The following GABRB1 variants were observed in gnomAD, a reference collection of about 807,000 sequenced individuals.
The protein encoded by GABRB1 is gamma-aminobutyric acid receptor subunit beta-1.
A neutral mutation model predicts 51.6 loss-of-function variants in GABRB1; 17 were observed. That is an observed-to-expected ratio of 0.33 (90% CI 0.23 to 0.49). The LOEUF (loss-of-function observed/expected upper bound fraction) is 0.49. Ranked by LOEUF, GABRB1 falls within the 20% of genes least tolerant of loss-of-function variation. GABRB1 has a pLI of 0.99. For missense variants in GABRB1, 410 were observed against 600.6 expected (o/e 0.68, Z 3.32); for synonymous variants, 247 against 218.9 (o/e 1.13, Z -1.14).
chr4:47,157,310 T>A (rs1325021114), intron 3 of GABRB1, among the ~76,000 whole-genome samples: 1 of 152,100 alleles, frequency 6.6e-6, no homozygotes, highest in Non-Finnish European at 1.5e-5. Context: ...AAATGTCCCA[T>A]CTTCTCTGGA....
intron 4 of GABRB1, among the ~76,000 whole-genome samples, chr4:47,191,425 C>T (rs1347787595): frequency 1.3e-5 from 2 of 152,094 alleles, no homozygotes; most frequent in South Asian, 2.1e-4. Context: ...TCCAAAACTC[C>T]ATAAATGAAC....
Position 47,403,339 on chromosome 4 carries a change from T to C in GABRB1, c.566T>C (p.Ile189Thr), listed in dbSNP as rs779037879. The stretch of plus-strand genomic sequence containing the variant: ...TCAGATGGCTATACCACTGATGACA[T>C]TGAATTTTACTGGAATGGAGGAGAA... ...IESYGYTTDD[I>T]EFYWNGGEGA... The change falls in exon 6 of 9, where the codon ATT becomes ACT. Residue 189 changes from isoleucine to threonine, a missense_variant. Physicochemically the swap from Ile to Thr is moderately conservative, Grantham distance 89. Around this residue, in one of 5 missense-constraint regions of GABRB1, gnomAD observed 36 missense variants for 39.7 expected, o/e 0.91. Transcript: ENST00000295454. 15 of 1,613,886 alleles carry C rather than the reference T, an allele frequency of 9.3e-6. No individual in the cohort carries two copies. Among genetic ancestry groups the C allele is most frequent in the South Asian group, 3.3e-5 (3 of 91,076 alleles).
chr4:47,104,343 G>A (rs1560536177), intron 3 of GABRB1, among the ~76,000 whole-genome samples: 1 of 151,704 alleles, frequency 6.6e-6, no homozygotes, highest in Non-Finnish European at 1.5e-5. Context: ...GTTTTTAGCT[G>A]TGTGAATCAA....
chr4:47,013,885 A>G (rs940778401), intron 1 of GABRB1, among the ~76,000 whole-genome samples: 2 of 152,200 alleles, frequency 1.3e-5, no homozygotes, highest in Admixed American at 6.5e-5. Context: ...ATTTTGCATT[A>G]TGTAGAAGAT....
chr4:47,155,420 T>A (rs553504257), intron 3 of GABRB1, among the ~76,000 whole-genome samples: 2 of 152,070 alleles, frequency 1.3e-5, no homozygotes, highest in African/African-American at 4.8e-5. Context: ...CCAAAAGATA[T>A]ACACACATAT....
At chr4:47,274,340 G>C (rs1446475545) in intron 4 of GABRB1, among the ~76,000 whole-genome samples, 1 of 152,104 alleles carries the variant, frequency 6.6e-6, no homozygotes, top group East Asian at 1.9e-4. Context: ...TTTACAATTA[G>C]TAATTAAATT....
intron 3 of GABRB1, among the ~76,000 whole-genome samples, chr4:47,038,581 C>T (rs1375112029): frequency 1.3e-5 from 2 of 152,054 alleles, no homozygotes; most frequent in East Asian, 1.9e-4. Flanking sequence ...TTTACCCAAC[C>T]GGCCTAAAAT....
At chr4:47,039,781 G>T (rs148851315) in intron 3 of GABRB1, among the ~76,000 whole-genome samples, 8 of 152,192 alleles carry the variant, frequency 5.3e-5, no homozygotes, top group African/African-American at 1.9e-4. Context: ...ACAGCATGAA[G>T]TGTTCTGGGA....
At chr4:47,060,621 C>T (rs1413806089) in intron 3 of GABRB1, among the ~76,000 whole-genome samples, 2 of 152,118 alleles carry the variant, frequency 1.3e-5, no homozygotes, top group African/African-American at 2.4e-5. Flanking sequence ...AAAAATCCAA[C>T]AGGGTCTCTC....
intron 1 of GABRB1, among the ~76,000 whole-genome samples, chr4:47,025,190 T>TCCAAA (rs1725052675): frequency 6.6e-6 from 1 of 151,440 alleles, no homozygotes; most frequent in Non-Finnish European, 1.5e-5. Flanking sequence ...AATTGCAAAT[T>TCCAAA]GTGCTTCTAT....
chr4:47,261,163 C>T (rs1420712367), intron 4 of GABRB1, among the ~76,000 whole-genome samples: 2 of 152,148 alleles, frequency 1.3e-5, no homozygotes. Context: ...CCTCTCTCAC[C>T]ACTCCTATTC....
At chr4:47,421,380 T>A (rs139157920) in intron 8 of GABRB1, among the ~76,000 whole-genome samples, 20 of 151,716 alleles carry the variant, frequency 1.3e-4, no homozygotes, top group African/African-American at 3.9e-4. Context: ...CTCTAGCAAC[T>A]TTTTTTTACT....
intron 5 of GABRB1, among the ~76,000 whole-genome samples, chr4:47,393,004 T>G (rs1258405713): frequency 2.6e-5 from 4 of 152,174 alleles, no homozygotes; most frequent in Non-Finnish European, 4.4e-5. Context: ...TGGCTATAAT[T>G]TAGTTTTCTG....
chr4:47,013,139 C>G (rs1333496554), intron 1 of GABRB1, among the ~76,000 whole-genome samples: 1 of 149,006 alleles, frequency 6.7e-6, no homozygotes, highest in African/African-American at 2.5e-5. Context: ...AAATTGCATT[C>G]TGTGTGTGTG....
intron 3 of GABRB1, among the ~76,000 whole-genome samples, chr4:47,056,467 G>A (rs1038628361): frequency 2.0e-5 from 3 of 152,084 alleles, no homozygotes; most frequent in African/African-American, 7.2e-5. Context: ...AATGAGATAG[G>A]GTGGTGGCTC....
chr4:47,418,076 AAGGAAAGAAAC>A, intron 8 of GABRB1, among the ~76,000 whole-genome samples: 1 of 152,220 alleles, frequency 6.6e-6, no homozygotes, highest in East Asian at 1.9e-4. Flanking sequence ...GATTTCTGTT[AAGGAAAGAAAC>A]AGTACAGCCA....
At chr4:47,223,102 C>G (rs1318154549) in intron 4 of GABRB1, among the ~76,000 whole-genome samples, 1 of 152,076 alleles carries the variant, frequency 6.6e-6, no homozygotes, top group Admixed American at 6.6e-5. Context: ...ATTTCTGTAG[C>G]AAAGATAACA....
intron 3 of GABRB1, among the ~76,000 whole-genome samples, chr4:47,039,643 G>A (rs943565550): frequency 6.6e-6 from 1 of 152,038 alleles, no homozygotes; most frequent in Non-Finnish European, 1.5e-5. Context: ...ATGATGAAGG[G>A]TTAATGCCTG....
At chr4:47,004,084 G>A (rs1171776750) in intron 1 of GABRB1, among the ~76,000 whole-genome samples, 1 of 152,150 alleles carries the variant, frequency 6.6e-6, no homozygotes, top group East Asian at 1.9e-4. Flanking sequence ...CACCTCCTGG[G>A]TTCAAGCGGT....
Sources: gnomAD v4.1 joint callset for allele counts (sites outside exome capture counted in the v4.1 genomes callset) on GRCh38, gnomAD v4.1.1 for gene constraint, gnomAD v4.1.1 regional missense constraint, MANE v1.5 for transcripts, NCBI Gene and HGNC (gene_info 2026-07-23, HGNC 2026-07-21) for gene names.